The following RPS6KA2 variants were observed in gnomAD, a reference collection of about 807,000 sequenced individuals.
RPS6KA2 encodes ribosomal protein S6 kinase A2, also known as ribosomal protein S6 kinase alpha-2.
RPS6KA2 carries 42 observed loss-of-function variants against 91.8 expected under a neutral mutation model. That is an observed-to-expected ratio of 0.46 (90% CI 0.36 to 0.59). RPS6KA2 has a LOEUF of 0.59. Among genes scored for constraint, RPS6KA2 ranks in the 20% least tolerant of loss-of-function variants. The pLI, the probability that RPS6KA2 is intolerant of heterozygous loss-of-function variation, is 0.00. For synonymous variants in RPS6KA2, 414 were observed against 393.6 expected, an observed-to-expected ratio of 1.05 and a Z score of -0.61; for missense variants, 798 against 978.5, an observed-to-expected ratio of 0.82 and a Z score of 2.46.
In RPS6KA2 at chr6:166,579,450, G is replaced by A. The variant is rs10080969; in HGVS notation, c.100-40666C>T. ...AGAATGTCATGCTTCCAGAGGTTTC[G>A]GTGGTGGCAATTCTACTGCAATTAT... On this transcript the variant is annotated intron_variant, in intron 1 of 20. Transcript: ENST00000265678. 7.6e-3 allele frequency among the ~76,000 whole-genome samples: 1,150 copies of A among 152,274 alleles called. 23 individuals are homozygous for A. Among genetic ancestry groups the A allele is most frequent in the African/African-American group, 0.026 (1,080 of 41,546 alleles).
intron 2 of RPS6KA2, among the ~76,000 whole-genome samples, chr6:166,717,011 G>A (rs530388363): frequency 6.6e-6 from 1 of 152,246 alleles, no homozygotes; most frequent in Non-Finnish European, 1.5e-5. Context: ...GGAGGATCCG[G>A]AGCCAGAAGG....
intron 2 of RPS6KA2, among the ~76,000 whole-genome samples, chr6:166,694,629 G>A (rs1049881558): frequency 6.6e-6 from 1 of 152,202 alleles, no homozygotes; most frequent in Non-Finnish European, 1.5e-5. Context: ...AAGCTGATGC[G>A]AACCTCTCCC....
At chr6:166,670,488 A>G (rs1353217695) in intron 2 of RPS6KA2, among the ~76,000 whole-genome samples, 1 of 152,178 alleles carries the variant, frequency 6.6e-6, no homozygotes, top group Non-Finnish European at 1.5e-5. Context: ...GTTATGTACT[A>G]AAGGTAGTTA....
rs1339585632 is a variant in RPS6KA2, at chr6:166,726,508, AAAG to A, written c.123+131689_123+131691del. Among the ~76,000 whole-genome samples, 5 of 152,244 alleles carry A rather than the reference AAAG, an allele frequency of 3.3e-5. No homozygotes were observed. The highest frequency in any genetic ancestry group is 2.1e-4 in the South Asian group (1 of 4,834). ...AAGTCAGAGACATGGAAGGGAAATG[AAAG>A]AAGGACATGCATCCTGCCGCCCATG... On this transcript the variant is annotated intron_variant, in intron 2 of 21. Transcript: ENST00000503859. The surrounding 1 kb of genome is among the most constrained non-coding windows in gnomAD (Gnocchi z 4.4).
intron 10 of RPS6KA2, among the ~76,000 whole-genome samples, chr6:166,471,488 G>A (rs1030815713): frequency 6.6e-6 from 1 of 152,232 alleles, no homozygotes; most frequent in Non-Finnish European, 1.5e-5. Context: ...CATACTAAAT[G>A]CCCCTGAAGG....
chr6:166,843,426 C>T (rs1221386990), intron 2 of RPS6KA2, among the ~76,000 whole-genome samples: 2 of 152,190 alleles, frequency 1.3e-5, no homozygotes, highest in Non-Finnish European at 2.9e-5. Flanking sequence ...AGCTGATGCA[C>T]TCCTGAAAGC....
At chr6:166,773,116 C>T (rs934700962) in intron 2 of RPS6KA2, among the ~76,000 whole-genome samples, 1 of 152,170 alleles carries the variant, frequency 6.6e-6, no homozygotes, top group Non-Finnish European at 1.5e-5. Flanking sequence ...GCTTCCAGCT[C>T]CAGAAGGAAA....
intron 10 of RPS6KA2, among the ~76,000 whole-genome samples, chr6:166,485,543 T>C (rs1424179571): frequency 6.6e-6 from 1 of 152,106 alleles, no homozygotes; most frequent in African/African-American, 2.4e-5. Flanking sequence ...TCAATTTAAT[T>C]CACAATCTGG....
intron 2 of RPS6KA2, among the ~76,000 whole-genome samples, chr6:166,759,407 T>C (rs1050554529): frequency 7.2e-5 from 11 of 152,258 alleles, no homozygotes; most frequent in Admixed American, 2.6e-4. Flanking sequence ...GGCCAAGTTA[T>C]GGCAACAGAA....
At chr6:166,632,004 A>G (rs1337743588), upstream of RPS6KA2, among the ~76,000 whole-genome samples, 1 of 152,144 alleles carries the variant, frequency 6.6e-6, no homozygotes, top group Non-Finnish European at 1.5e-5. Context: ...CATTTCCAGG[A>G]TACTAACTCC....
chr6:166,607,988 C>T (rs868427266), intron 1 of RPS6KA2, among the ~76,000 whole-genome samples: 2 of 147,168 alleles, frequency 1.4e-5, no homozygotes, highest in South Asian at 2.1e-4. Flanking sequence ...TCTGCCAGAG[C>T]GAGAAGGCAA....
intron 2 of RPS6KA2, among the ~76,000 whole-genome samples, chr6:166,816,448 G>C (rs1430303138): frequency 6.6e-6 from 1 of 151,108 alleles, no homozygotes; most frequent in Non-Finnish European, 1.5e-5. Context: ...CCAGCTACTT[G>C]GGAGGCTGAG....
chr6:166,497,346 T>C (rs1781825510), intron 8 of RPS6KA2, among the ~76,000 whole-genome samples: 1 of 152,246 alleles, frequency 6.6e-6, no homozygotes, highest in Non-Finnish European at 1.5e-5. Context: ...GTGTTGTGAC[T>C]CACTTTACAG....
intron 2 of RPS6KA2, among the ~76,000 whole-genome samples, chr6:166,765,066 G>T (rs1354598204): frequency 7.5e-6 from 1 of 133,126 alleles, no homozygotes; most frequent in Non-Finnish European, 1.5e-5. Context: ...CTCCCTGCCA[G>T]CTCCAGGGCA....
intron 2 of RPS6KA2, among the ~76,000 whole-genome samples, chr6:166,534,246 A>G (rs1240826313): frequency 7.0e-6 from 1 of 143,736 alleles, no homozygotes. Context: ...AAAAAAAAAA[A>G]GAAAGAAAAA....
At chr6:166,835,224 G>A (rs920196416) in intron 2 of RPS6KA2, among the ~76,000 whole-genome samples, 1 of 152,196 alleles carries the variant, frequency 6.6e-6, no homozygotes, top group Non-Finnish European at 1.5e-5. Flanking sequence ...TTAAAAGACA[G>A]TGTGAGTTCT....
chr6:166,689,724 T>C (rs867806808), intron 2 of RPS6KA2, among the ~76,000 whole-genome samples: 1 of 152,164 alleles, frequency 6.6e-6, no homozygotes, highest in Non-Finnish European at 1.5e-5. Flanking sequence ...CCCTATTTCA[T>C]AGGCAAAAGT....
At chr6:166,526,067 G>GCCT (rs1206210003) in intron 3 of RPS6KA2, among the ~76,000 whole-genome samples, 1 of 152,008 alleles carries the variant, frequency 6.6e-6, no homozygotes, top group Non-Finnish European at 1.5e-5. Flanking sequence ...TTAGTGCCAG[G>GCCT]CCTCCTCTCC....
intron 2 of RPS6KA2, among the ~76,000 whole-genome samples, chr6:166,650,394 G>A (rs1184946561): frequency 6.6e-6 from 1 of 151,964 alleles, no homozygotes; most frequent in Non-Finnish European, 1.5e-5. Context: ...TGGGAGGGAG[G>A]GGGTCCATGT....
Sources: gnomAD v4.1 joint callset for allele counts (sites outside exome capture counted in the v4.1 genomes callset) on GRCh38, gnomAD v4.1.1 for gene constraint, Gnocchi (gnomAD v3.1) non-coding constraint, MANE v1.5 for transcripts, NCBI Gene and HGNC (gene_info 2026-07-23, HGNC 2026-07-21) for gene names.